The following NR2F1-AS1 variants were observed in gnomAD, a reference collection of about 807,000 sequenced individuals.
The protein encoded by NR2F1-AS1 is NR2F1 antisense RNA 1.
intron 4 of NR2F1-AS1, among the ~76,000 whole-genome samples, chr5:93,439,686 T>A (rs763412053): frequency 3.9e-5 from 6 of 152,194 alleles, no homozygotes; most frequent in African/African-American, 1.4e-4. Context: ...CAAGCCTCCA[T>A]CCTCATCTCT....
chr5:93,560,950 T>G (rs954851095), intron 2 of NR2F1-AS1, among the ~76,000 whole-genome samples: 1 of 152,228 alleles, frequency 6.6e-6, no homozygotes, highest in African/African-American at 2.4e-5. Context: ...GAAAGAATGG[T>G]GGTATTTTTG....
intron 4 of NR2F1-AS1, among the ~76,000 whole-genome samples, chr5:93,463,373 G>C (rs1750142966): frequency 6.6e-6 from 1 of 152,224 alleles, no homozygotes; most frequent in African/African-American, 2.4e-5. Context: ...AGGATGTGTG[G>C]AAATGCCCGG....
At chr5:93,563,814 A>G (rs1352702217) in intron 1 of NR2F1-AS1, among the ~76,000 whole-genome samples, 1 of 152,042 alleles carries the variant, frequency 6.6e-6, no homozygotes, top group Admixed American at 6.6e-5. Context: ...TTAAAACACA[A>G]CTACCAGGCC....
intron 4 of NR2F1-AS1, among the ~76,000 whole-genome samples, chr5:93,472,031 T>C (rs146057265): frequency 6.6e-6 from 1 of 151,964 alleles, no homozygotes; most frequent in African/African-American, 2.4e-5. Flanking sequence ...TACAGTACTA[T>C]ACAGTATGTA....
intron 4 of NR2F1-AS1, among the ~76,000 whole-genome samples, chr5:93,479,844 TA>T (rs1418060012): frequency 2.7e-5 from 4 of 147,428 alleles, no homozygotes; most frequent in South Asian, 4.2e-4. Flanking sequence ...GAATAGAAAT[TA>T]TTTTTTTTTA....
At chr5:93,571,978 G>A (rs424482) in intron 1 of NR2F1-AS1, among the ~76,000 whole-genome samples, 134,347 of 152,212 alleles carry the variant, frequency 0.88, 59,523 homozygotes, top group African/African-American at 0.97. Context: ...AAGGGAAATC[G>A]GGCAAAAGAA....
chr5:93,554,529 T>G (rs1263127660), intron 3 of NR2F1-AS1, among the ~76,000 whole-genome samples: 17 of 152,194 alleles, frequency 1.1e-4, no homozygotes, highest in African/African-American at 3.9e-4. Flanking sequence ...GAAGACATTG[T>G]TTGTAAGTAA....
intron 4 of NR2F1-AS1, among the ~76,000 whole-genome samples, chr5:93,444,103 A>C (rs1319392515): frequency 6.6e-6 from 1 of 152,258 alleles, no homozygotes; most frequent in Non-Finnish European, 1.5e-5. Flanking sequence ...AACATGACAA[A>C]TTGTAAAGAC....
At chr5:93,448,347 G>T (rs1392110220) in intron 4 of NR2F1-AS1, among the ~76,000 whole-genome samples, 3 of 152,212 alleles carry the variant, frequency 2.0e-5, no homozygotes, top group East Asian at 3.9e-4. Context: ...AGATAGACCT[G>T]TCAAATTGTT....
intron 4 of NR2F1-AS1, among the ~76,000 whole-genome samples, chr5:93,517,313 T>C (rs1299414946): frequency 6.6e-6 from 1 of 152,014 alleles, no homozygotes; most frequent in Non-Finnish European, 1.5e-5. Context: ...AACCAGAATT[T>C]AGTTCAAATA....
At chr5:93,506,662 T>A (rs971454776) in intron 4 of NR2F1-AS1, among the ~76,000 whole-genome samples, 1 of 152,096 alleles carries the variant, frequency 6.6e-6, no homozygotes, top group Non-Finnish European at 1.5e-5. Context: ...GATAAACCCA[T>A]CATATTTCGT....
chr5:93,439,901 G>T (rs963675461), intron 4 of NR2F1-AS1, among the ~76,000 whole-genome samples: 1 of 152,058 alleles, frequency 6.6e-6, no homozygotes, highest in Non-Finnish European at 1.5e-5. Flanking sequence ...GTATTTAAAT[G>T]ATATATTTGC....
At chr5:93,436,462 T>C (rs1749433668) in intron 4 of NR2F1-AS1, among the ~76,000 whole-genome samples, 1 of 152,168 alleles carries the variant, frequency 6.6e-6, no homozygotes, top group Non-Finnish European at 1.5e-5. Context: ...TACCATGTAT[T>C]GCCAGTTTCT....
intron 4 of NR2F1-AS1, among the ~76,000 whole-genome samples, chr5:93,473,271 GTTTC>G (rs987791214): frequency 1.3e-5 from 2 of 151,794 alleles, no homozygotes; most frequent in Admixed American, 6.6e-5. Context: ...GTAAACCAGA[GTTTC>G]TTTCTGAGTA....
chr5:93,481,442 T>C (rs961321042), intron 4 of NR2F1-AS1, among the ~76,000 whole-genome samples: 2 of 152,032 alleles, frequency 1.3e-5, no homozygotes, highest in African/African-American at 2.4e-5. Context: ...AGGATAATAA[T>C]TGGAAACTCT....
intron 4 of NR2F1-AS1, among the ~76,000 whole-genome samples, chr5:93,479,363 C>A (rs975504602): frequency 1.2e-4 from 19 of 152,224 alleles, no homozygotes; most frequent in African/African-American, 4.6e-4. Context: ...TACTTTTCTT[C>A]TCTTACAAAA....
chr5:93,451,758 A>G (rs1366856518), intron 4 of NR2F1-AS1, among the ~76,000 whole-genome samples: 2 of 152,122 alleles, frequency 1.3e-5, no homozygotes, highest in Non-Finnish European at 2.9e-5. Context: ...AGCACATTTC[A>G]TCTCTCCTTT....
At chr5:93,576,628 C>T (rs1438193933) in intron 1 of NR2F1-AS1, among the ~76,000 whole-genome samples, 1 of 152,112 alleles carries the variant, frequency 6.6e-6, no homozygotes, top group Non-Finnish European at 1.5e-5. Context: ...TGAGCCAATA[C>T]TTTTCCACTA....
intron 4 of NR2F1-AS1, among the ~76,000 whole-genome samples, chr5:93,446,642 G>A (rs1430057898): frequency 1.3e-5 from 2 of 152,126 alleles, no homozygotes; most frequent in Non-Finnish European, 2.9e-5. Flanking sequence ...GTAATTCATA[G>A]ATTCAATGCT....
Sources: allele counts gnomAD v4.1 joint callset (sites outside exome capture counted in the v4.1 genomes callset), GRCh38; gene constraint gnomAD v4.1.1; transcripts MANE v1.5; gene names NCBI Gene and HGNC (gene_info 2026-07-23, HGNC 2026-07-21).